Variants in DTNA observed in about 807,000 individuals in gnomAD.
DTNA encodes dystrophin-related protein 3.
DTNA carries 43 observed loss-of-function variants against 100.7 expected under a neutral mutation model. The ratio of observed to expected loss-of-function variants is 0.43; its 90% CI spans 0.33 to 0.55. The LOEUF is 0.55. Ranked by LOEUF, DTNA falls within the 20% of genes least tolerant of loss-of-function variation. The pLI is 0.04. For missense variants in DTNA, 798 were observed against 953.9 expected (o/e 0.84, Z 2.15); for synonymous variants, 349 against 347.9 (o/e 1.00, Z -0.04).
At chr18:34,569,192 T>G (rs1435370353) in intron 1 of DTNA, among the ~76,000 whole-genome samples, 1 of 151,948 alleles carries the variant, frequency 6.6e-6, no homozygotes, top group African/African-American at 2.4e-5. Flanking sequence ...CATTTTTGTG[T>G]GTAGAAATGT....
chr18:34,519,590 G>T (rs2041972610), intron 1 of DTNA, among the ~76,000 whole-genome samples: 2 of 152,114 alleles, frequency 1.3e-5, no homozygotes, highest in South Asian at 4.1e-4. Flanking sequence ...TGAAGGTTTA[G>T]CACATGTTAG....
At chr18:34,542,373 T>C (rs1366124497) in intron 1 of DTNA, among the ~76,000 whole-genome samples, 1 of 152,074 alleles carries the variant, frequency 6.6e-6, no homozygotes, top group African/African-American at 2.4e-5. Flanking sequence ...TTGAATCTCA[T>C]GAAATTCATG....
At chr18:34,655,379 A>G (rs1330580612) in intron 1 of DTNA, among the ~76,000 whole-genome samples, 1 of 151,922 alleles carries the variant, frequency 6.6e-6, no homozygotes, top group Non-Finnish European at 1.5e-5. Context: ...TCCCACCTCC[A>G]CTTGCCTGCT....
At chr18:34,817,592 C>G (rs1477026968) in intron 7 of DTNA, among the ~76,000 whole-genome samples, 7 of 151,742 alleles carry the variant, frequency 4.6e-5, no homozygotes, top group Non-Finnish European at 1.0e-4. Context: ...AAAAAAAAAT[C>G]TGTTTGTCAG....
chr18:34,611,227 G>A (rs773139151), intron 1 of DTNA, among the ~76,000 whole-genome samples: 10 of 152,134 alleles, frequency 6.6e-5, no homozygotes, highest in Non-Finnish European at 1.2e-4. Context: ...GAGGTAGCTG[G>A]TGTGGTTTAT....
At chr18:34,835,358 A>T (rs556625350) in intron 11 of DTNA, among the ~76,000 whole-genome samples, 12 of 152,388 alleles carry the variant, frequency 7.9e-5, no homozygotes, top group Admixed American at 7.8e-4. Context: ...GGAACGGAAG[A>T]TAAAAGGTTT....
intron 1 of DTNA, among the ~76,000 whole-genome samples, chr18:34,612,311 A>T (rs531607521): frequency 6.7e-4 from 102 of 152,326 alleles, no homozygotes; most frequent in African/African-American, 2.3e-3. Flanking sequence ...CAGGTGACCC[A>T]CATACCACCT....
intron 3 of DTNA, among the ~76,000 whole-genome samples, chr18:34,775,825 A>G (rs1157738807): frequency 6.6e-6 from 1 of 152,240 alleles, no homozygotes; most frequent in African/African-American, 2.4e-5. Context: ...CAGTCATGCC[A>G]TACTTAACTC....
intron 1 of DTNA, among the ~76,000 whole-genome samples, chr18:34,556,670 C>G (rs1015451236): frequency 1.5e-4 from 23 of 151,806 alleles, no homozygotes; most frequent in African/African-American, 5.1e-4. Context: ...GTTGAAAATT[C>G]TTTTCTTTAA....
chr18:34,774,057 A>G (rs531638027), intron 3 of DTNA, among the ~76,000 whole-genome samples: 2 of 152,304 alleles, frequency 1.3e-5, no homozygotes, highest in African/African-American at 4.8e-5. Flanking sequence ...CTGCTTCTGC[A>G]TTAGACGTGA....
At chr18:34,697,398 C>G (rs867324704) in intron 1 of DTNA, among the ~76,000 whole-genome samples, 1 of 152,188 alleles carries the variant, frequency 6.6e-6, no homozygotes, top group Non-Finnish European at 1.5e-5. Context: ...TTTTCTGAAA[C>G]TCTTTGTCTC....
intron 1 of DTNA, among the ~76,000 whole-genome samples, chr18:34,565,893 A>G (rs2047038033): frequency 6.6e-6 from 1 of 152,208 alleles, no homozygotes; most frequent in African/African-American, 2.4e-5. Flanking sequence ...TCCATTGCAG[A>G]TCGGGTTTGA....
At chr18:34,625,162 G>A (rs1396516008) in intron 1 of DTNA, among the ~76,000 whole-genome samples, 3 of 152,042 alleles carry the variant, frequency 2.0e-5, no homozygotes, top group African/African-American at 7.2e-5. Flanking sequence ...AGCCTCCTGA[G>A]TAGCTGGGAT....
chr18:34,586,052 G>A (rs1275278753), intron 1 of DTNA, among the ~76,000 whole-genome samples: 1 of 152,152 alleles, frequency 6.6e-6, no homozygotes, highest in African/African-American at 2.4e-5. Flanking sequence ...GGGGCCACAG[G>A]CTTTACACCT....
intron 16 of DTNA, among the ~76,000 whole-genome samples, chr18:34,863,747 A>T (rs1354810269): frequency 6.6e-6 from 1 of 152,224 alleles, no homozygotes; most frequent in African/African-American, 2.4e-5. Flanking sequence ...GAAACAAAAG[A>T]TCTAAAAGGA....
chr18:34,495,938 C>G (rs1009920795), intron 1 of DTNA, among the ~76,000 whole-genome samples: 1 of 151,606 alleles, frequency 6.6e-6, no homozygotes, highest in Non-Finnish European at 1.5e-5. Context: ...GGGCAGATGT[C>G]TCTTAATTCT....
intron 3 of DTNA, among the ~76,000 whole-genome samples, chr18:34,789,536 C>T (rs150964195): frequency 6.0e-4 from 91 of 152,244 alleles, no homozygotes; most frequent in Non-Finnish European, 1.2e-3. Context: ...TCTGATCACC[C>T]GTTTGTGTGA....
At chr18:34,838,030 G>A in intron 11 of DTNA, 64 bp from the exon 12 acceptor site, 1 of 1,464,182 alleles carries the variant, frequency 6.8e-7, no homozygotes, top group Non-Finnish European at 9.6e-7. Context: ...TCTGTTGCCA[G>A]TTTCTATTCT....
intron 15 of DTNA, among the ~76,000 whole-genome samples, chr18:34,855,867 G>T (rs2096546235): frequency 6.6e-6 from 1 of 152,174 alleles, no homozygotes; most frequent in African/African-American, 2.4e-5. Flanking sequence ...TTCCACTCGG[G>T]CATGGGGGTA....
Sources: gnomAD v4.1 joint callset for allele counts (sites outside exome capture counted in the v4.1 genomes callset) on GRCh38, gnomAD v4.1.1 for gene constraint, MANE v1.5 for transcripts, NCBI Gene and HGNC (gene_info 2026-07-23, HGNC 2026-07-21) for gene names.